ZFHX3: variants seen among roughly 807,000 people sequenced by gnomAD.
ZFHX3 encodes zinc finger homeobox 3, also known as zinc finger homeobox protein 3.
A neutral mutation model predicts 279.1 loss-of-function variants in ZFHX3; 42 were observed. That is an observed-to-expected ratio of 0.15 (90% CI 0.12 to 0.19). The LOEUF is 0.19. Ranked by LOEUF, ZFHX3 falls within the 10% of genes least tolerant of loss-of-function variation. The probability of loss-of-function intolerance (pLI) is 1.00; values close to 1 mark genes in which losing one functional copy is unlikely to be tolerated. For synonymous variants in ZFHX3, 2,293 were observed against 1,957.8 expected, an observed-to-expected ratio of 1.17 and a Z score of -4.52; for missense variants, 4,981 against 4,754.0, an observed-to-expected ratio of 1.05 and a Z score of -1.40.
At chr16:73,821,119 T>TA (rs545673783) in intron 1 of ZFHX3, among the ~76,000 whole-genome samples, 71 of 152,288 alleles carry the variant, frequency 4.7e-4, no homozygotes, top group African/African-American at 1.6e-3. Context: ...GCGTTAATTT[T>TA]ACCACTAATC....
chr16:73,787,354 T>C (rs117791433), intron 1 of ZFHX3, among the ~76,000 whole-genome samples: 1,658 of 152,262 alleles, frequency 0.011, 15 homozygotes, highest in Non-Finnish European at 0.019. Flanking sequence ...CACTCAGGAA[T>C]CTGTATGGTG....
At chr16:72,891,049 C>T (rs575330161) in intron 3 of ZFHX3, among the ~76,000 whole-genome samples, 1 of 152,346 alleles carries the variant, frequency 6.6e-6, no homozygotes, top group South Asian at 2.1e-4. Context: ...CACAAGACAA[C>T]TCCAGTGTTT....
At chr16:73,343,696 G>A (rs921177340) in intron 3 of ZFHX3, among the ~76,000 whole-genome samples, 2 of 152,274 alleles carry the variant, frequency 1.3e-5, no homozygotes, top group Admixed American at 6.5e-5. Context: ...TCCAGCCTGG[G>A]CAACAGAGTG....
intron 5 of ZFHX3, among the ~76,000 whole-genome samples, chr16:73,226,534 C>T (rs901079873): frequency 1.3e-5 from 2 of 152,244 alleles, no homozygotes; most frequent in African/African-American, 4.8e-5. Flanking sequence ...AAATATTAGG[C>T]ATATGTGTCT....
chr16:73,422,558 A>T (rs1420614313), intron 3 of ZFHX3, among the ~76,000 whole-genome samples: 1 of 152,190 alleles, frequency 6.6e-6, no homozygotes, highest in Admixed American at 6.5e-5. Flanking sequence ...CCCCAAAGCA[A>T]CTTTCCCTTC....
Position 72,913,512 on chromosome 16 carries a change from C to T in ZFHX3, c.3217-23550G>A, listed in dbSNP as rs898849416. Among the ~76,000 whole-genome samples, 5 of 152,270 alleles carry T rather than the reference C, an allele frequency of 3.3e-5. No individual in the cohort carries two copies. In the South Asian group the frequency reaches 8.3e-4, roughly 25 times the overall value. On this transcript the variant is annotated intron_variant, in intron 3 of 9. Transcript: ENST00000268489. ...AAGGGGAAGGACCCTTCCCATCCAC[C>T]GTATCACATCAGGGGCTATGTGACA... is the stretch of plus-strand genomic sequence containing the variant.
intron 1 of ZFHX3, among the ~76,000 whole-genome samples, chr16:73,776,651 G>A (rs1025576333): frequency 5.9e-5 from 9 of 152,102 alleles, no homozygotes; most frequent in African/African-American, 1.9e-4. Flanking sequence ...TAAGACCAGG[G>A]GGATTGGGAT....
At chr16:73,378,336 C>G (rs151185668) in intron 3 of ZFHX3, among the ~76,000 whole-genome samples, 11 of 152,232 alleles carry the variant, frequency 7.2e-5, no homozygotes, top group African/African-American at 2.6e-4. Flanking sequence ...TAAAGCTAAT[C>G]ATTCATCCCC....
chr16:73,797,023 G>A (rs890029093), intron 1 of ZFHX3, among the ~76,000 whole-genome samples: 6 of 151,788 alleles, frequency 4.0e-5, no homozygotes, highest in East Asian at 3.9e-4. Flanking sequence ...CCAACATGGC[G>A]AAACCCTGTC....
chr16:72,912,562 A>T (rs1264279997), intron 3 of ZFHX3, among the ~76,000 whole-genome samples: 1 of 152,186 alleles, frequency 6.6e-6, no homozygotes, highest in Non-Finnish European at 1.5e-5. Context: ...AAGGCTTTTT[A>T]AGACTTTGAA....
At chr16:73,440,570 G>T (rs1438255936) in intron 3 of ZFHX3, among the ~76,000 whole-genome samples, 1 of 152,184 alleles carries the variant, frequency 6.6e-6, no homozygotes, top group Non-Finnish European at 1.5e-5. Flanking sequence ...TTGAGAGTTG[G>T]ATTTGTAAGT....
At chr16:73,489,791 C>G (rs961201201) in intron 2 of ZFHX3, among the ~76,000 whole-genome samples, 18 of 151,988 alleles carry the variant, frequency 1.2e-4, no homozygotes, top group African/African-American at 4.1e-4. Flanking sequence ...AACAATTTTT[C>G]TCTGATAGGT....
chr16:73,572,569 G>C (rs1204067853), intron 2 of ZFHX3, among the ~76,000 whole-genome samples: 1 of 152,136 alleles, frequency 6.6e-6, no homozygotes, highest in Admixed American at 6.5e-5. Flanking sequence ...AATGTTGCTT[G>C]GTCCACAGAA....
At chr16:73,089,088 T>A (rs956477603) in intron 8 of ZFHX3, among the ~76,000 whole-genome samples, 30 of 152,264 alleles carry the variant, frequency 2.0e-4, no homozygotes, top group Admixed American at 1.1e-3. Context: ...CACCTTTTTT[T>A]AAATTTTAAT....
intron 2 of ZFHX3, among the ~76,000 whole-genome samples, chr16:73,658,769 T>C (rs1231153332): frequency 1.3e-5 from 2 of 152,210 alleles, no homozygotes; most frequent in Admixed American, 6.5e-5. Context: ...AGCACAAAAC[T>C]ATTAACTAAG....
At chr16:72,922,007 G>C (rs756116111) in intron 3 of ZFHX3, among the ~76,000 whole-genome samples, 9 of 152,200 alleles carry the variant, frequency 5.9e-5, no homozygotes, top group Non-Finnish European at 1.3e-4. Context: ...GAAACATCTG[G>C]GGGCACCAGC....
intron 3 of ZFHX3, among the ~76,000 whole-genome samples, chr16:73,440,401 G>C (rs1047899190): frequency 6.6e-6 from 1 of 152,186 alleles, no homozygotes; most frequent in African/African-American, 2.4e-5. Context: ...TTGGGAGACA[G>C]AAAACGAACA....
At chr16:73,786,770 C>G (rs1051562390) in intron 1 of ZFHX3, among the ~76,000 whole-genome samples, 1 of 152,112 alleles carries the variant, frequency 6.6e-6, no homozygotes, top group African/African-American at 2.4e-5. Flanking sequence ...GAGGTCTTTG[C>G]TTAGAAGAAC....
At chr16:73,104,610 G>A (rs530092180) in intron 7 of ZFHX3, among the ~76,000 whole-genome samples, 42 of 152,272 alleles carry the variant, frequency 2.8e-4, no homozygotes, top group African/African-American at 9.9e-4. Flanking sequence ...GACTCTGGGG[G>A]AGTACGTACC....
Sources: allele counts gnomAD v4.1 joint callset (sites outside exome capture counted in the v4.1 genomes callset), GRCh38; gene constraint gnomAD v4.1.1; transcripts MANE v1.5; gene names NCBI Gene and HGNC (gene_info 2026-07-23, HGNC 2026-07-21).